Variants in NAV3 observed in about 807,000 individuals in gnomAD.
The protein encoded by NAV3 is neuron navigator 3.
In NAV3, 87 loss-of-function variants were observed where a neutral mutation model predicts 244.7. The observed-to-expected ratio is 0.36, with a 90% CI of 0.30 to 0.42. NAV3 has a LOEUF of 0.42. Ranked by LOEUF, NAV3 falls within the 20% of genes least tolerant of loss-of-function variation. The probability of loss-of-function intolerance (pLI) is 1.00; values close to 1 mark genes in which losing one functional copy is unlikely to be tolerated. For missense variants in NAV3, 2,663 were observed against 2,893.3 expected (o/e 0.92, Z 1.83); for synonymous variants, 1,126 against 1,042.2 (o/e 1.08, Z -1.55).
At chr12:77,931,789 C>A (rs1043998067) in intron 1 of NAV3, among the ~76,000 whole-genome samples, 1 of 152,068 alleles carries the variant, frequency 6.6e-6, no homozygotes, top group African/African-American at 2.4e-5. Flanking sequence ...ATGGCGTGAA[C>A]CCGGGAGGAG....
At chr12:77,713,316 T>C (rs1876211244) in intron 2 of NAV3, among the ~76,000 whole-genome samples, 1 of 152,208 alleles carries the variant, frequency 6.6e-6, no homozygotes, top group Non-Finnish European at 1.5e-5. Context: ...GGCTAAAGTA[T>C]GGTGTAAGCA....
chr12:77,995,766 T>C (rs1349150600), intron 6 of NAV3, among the ~76,000 whole-genome samples: 2 of 152,150 alleles, frequency 1.3e-5, no homozygotes, highest in African/African-American at 4.8e-5. Flanking sequence ...TTTTAAAAGG[T>C]ATTTAATTAA....
At chr12:77,959,774 T>C (rs565981415) in intron 3 of NAV3, among the ~76,000 whole-genome samples, 1 of 151,732 alleles carries the variant, frequency 6.6e-6, no homozygotes, top group Admixed American at 6.6e-5. Flanking sequence ...TTTCTAAATG[T>C]TAATTAAAAG....
chr12:77,915,177 G>A (rs1887000893), intron 1 of NAV3, among the ~76,000 whole-genome samples: 1 of 151,792 alleles, frequency 6.6e-6, no homozygotes, highest in South Asian at 2.1e-4. Flanking sequence ...TTTGGCTTTT[G>A]CCTCCTCCAA....
At chr12:77,653,455 A>C (rs1872922054) in intron 2 of NAV3, among the ~76,000 whole-genome samples, 1 of 152,230 alleles carries the variant, frequency 6.6e-6, no homozygotes, top group Non-Finnish European at 1.5e-5. Flanking sequence ...ATATATTTTA[A>C]TTGTTCTTTT....
intron 1 of NAV3, among the ~76,000 whole-genome samples, chr12:77,875,725 G>T (rs1250187828): frequency 6.6e-6 from 1 of 151,962 alleles, no homozygotes. Context: ...TAAATAGAAT[G>T]CTAGGTTATA....
At chr12:77,777,325 A>G (rs1478583106) in intron 2 of NAV3, among the ~76,000 whole-genome samples, 3 of 152,190 alleles carry the variant, frequency 2.0e-5, no homozygotes, top group African/African-American at 7.2e-5. Context: ...CTGTCAAAAT[A>G]TCTTATTATA....
chr12:77,973,109 A>G (rs1893137921), intron 5 of NAV3, among the ~76,000 whole-genome samples: 1 of 152,196 alleles, frequency 6.6e-6, no homozygotes, highest in Non-Finnish European at 1.5e-5. Flanking sequence ...CTTTTTTAAA[A>G]GACGTGATTT....
chr12:78,161,217 G>C (rs1957532120), intron 23 of NAV3, among the ~76,000 whole-genome samples: 1 of 152,016 alleles, frequency 6.6e-6, no homozygotes, highest in Admixed American at 6.6e-5. Context: ...TACCTTGTAG[G>C]ATCACCATGA....
At chr12:77,662,883 C>T (rs1041681621) in intron 2 of NAV3, among the ~76,000 whole-genome samples, 11 of 151,976 alleles carry the variant, frequency 7.2e-5, no homozygotes, top group African/African-American at 1.9e-4. Context: ...TCACCTTTTC[C>T]GTTTTTTCCC....
intron 2 of NAV3, among the ~76,000 whole-genome samples, chr12:77,788,349 T>G (rs1464871045): frequency 1.3e-5 from 2 of 152,218 alleles, no homozygotes; most frequent in Non-Finnish European, 2.9e-5. Context: ...TGTGGCAGTG[T>G]TCGCCTTAAG....
In NAV3 at chr12:78,119,784, A is replaced by G; in HGVS notation, c.3588A>G (p.Gln1196=). 1 of 1,614,048 alleles carries G rather than the reference A, an allele frequency of 6.2e-7. No individual in the cohort carries two copies. Among genetic ancestry groups the G allele is most frequent in the East Asian group, 2.2e-5 (1 of 44,864 alleles). ...SGRSSPVTVN[Q]TDKEKEKVAV... is the part of the protein sequence containing the mutation. ...GCTCGAGTCCTGTCACCGTCAACCA[A>G]ACAGACAAGGAAAAGGAAAAAGTAG... The change falls in exon 15 of 40, where the codon CAA becomes CAG. Residue 1196 remains glutamine, a synonymous_variant. Transcript: ENST00000397909.
intron 2 of NAV3, among the ~76,000 whole-genome samples, chr12:77,786,354 T>C (rs1870905876): frequency 6.6e-6 from 1 of 152,180 alleles, no homozygotes; most frequent in Admixed American, 6.6e-5. Flanking sequence ...TGCTATCATT[T>C]CCAAATGGTG....
chr12:77,708,138 C>T lies in NAV3; in HGVS notation c.72+135872C>T, dbSNP rs142685211. Among the ~76,000 whole-genome samples, 96 of 152,310 alleles carry T rather than the reference C, an allele frequency of 6.3e-4. 2 individuals carry two copies. In the East Asian group the frequency reaches 0.015, roughly 23 times the overall value. On this transcript the variant is annotated intron_variant, in intron 2 of 8. Coordinates refer to the NAV3 transcript ENST00000550042. ...TCAGACATGAAGTCCTTGCCCATGA[C>T]TATGTCCTGAATGGTATTGCCTAAG... is the stretch of plus-strand genomic sequence containing the variant.
intron 2 of NAV3, among the ~76,000 whole-genome samples, chr12:77,718,792 G>A (rs1269590030): frequency 1.3e-5 from 2 of 151,802 alleles, no homozygotes; most frequent in Non-Finnish European, 2.9e-5. Flanking sequence ...CAAGTAGCTG[G>A]GATTACAGGC....
chr12:78,097,549 C>A (rs571101437), intron 12 of NAV3, among the ~76,000 whole-genome samples: 63 of 152,202 alleles, frequency 4.1e-4, no homozygotes, highest in Non-Finnish European at 8.2e-4. Flanking sequence ...CTCACCAAGG[C>A]GATGTTCTGA....
intron 2 of NAV3, among the ~76,000 whole-genome samples, chr12:77,766,490 T>C (rs894680076): frequency 6.6e-6 from 1 of 152,212 alleles, no homozygotes; most frequent in African/African-American, 2.4e-5. Context: ...ATCAACTTGC[T>C]GTCTAATGTG....
Position 78,050,849 on chromosome 12 carries a change from A to G in NAV3, c.2218A>G (p.Met740Val), listed in dbSNP as rs2137248242. Residue 740 changes from methionine (M) to valine (V), a missense_variant, in exon 11 of 40, where the codon ATG becomes GTG. Met to Val is a conservative substitution (Grantham distance 21, BLOSUM62 1). This residue lies in a region of NAV3 where 1,521 missense variants were observed against 1,497.0 expected (regional missense o/e 1.02). Transcript: ENST00000397909. ...CAACTTGACAAGTCGACCCACCCCCATGACCTGGAGGTTGGGCCAGGCATG... is the reference window on the plus strand; with the variant it reads ...CAACTTGACAAGTCGACCCACCCCCGTGACCTGGAGGTTGGGCCAGGCATG... ...IPNLTSRPTP[M>V]TWRLGQACPR... The G allele has an allele frequency of 6.2e-7, 1 of 1,614,046 alleles. No individual in the cohort carries two copies. The highest frequency in any genetic ancestry group is 8.5e-7 in the Non-Finnish European group (1 of 1,180,004).
intron 30 of NAV3, 36 bp from the exon 31 acceptor site, chr12:78,185,565 T>A (rs771687706): frequency 7.8e-6 from 12 of 1,544,308 alleles, no homozygotes; most frequent in Non-Finnish European, 9.8e-6. Flanking sequence ...GCTAATGTTA[T>A]ACTGTTGTGT....
Sources: gnomAD v4.1 joint callset for allele counts (sites outside exome capture counted in the v4.1 genomes callset) on GRCh38, gnomAD v4.1.1 for gene constraint, gnomAD v4.1.1 regional missense constraint, MANE v1.5 for transcripts, NCBI Gene and HGNC (gene_info 2026-07-23, HGNC 2026-07-21) for gene names.